GRIN2A: variants seen among roughly 807,000 people sequenced by gnomAD.
The protein encoded by GRIN2A is glutamate ionotropic receptor NMDA type subunit 2A.
In GRIN2A, 22 loss-of-function variants were observed where a neutral mutation model predicts 113.4. The observed-to-expected ratio is 0.19, with a 90% confidence interval of 0.14 to 0.28. The LOEUF (loss-of-function observed/expected upper bound fraction) is 0.28, where lower values mean the gene tolerates loss of function less well. GRIN2A is among the 10% of genes least tolerant of loss of function. GRIN2A has a pLI of 1.00. For missense variants in GRIN2A, 1,502 were observed against 1,887.0 expected, an observed-to-expected ratio of 0.80 and a Z score of 3.78; for synonymous variants, 827 against 738.4, an observed-to-expected ratio of 1.12 and a Z score of -1.94.
chr16:10,035,613 G>C (rs2047010481), intron 2 of GRIN2A, among the ~76,000 whole-genome samples: 1 of 152,204 alleles, frequency 6.6e-6, no homozygotes, highest in African/African-American at 2.4e-5. Flanking sequence ...ACCCACTGGA[G>C]TCACCGACCA....
intron 2 of GRIN2A, among the ~76,000 whole-genome samples, chr16:9,964,858 T>C (rs2045519938): frequency 6.6e-6 from 1 of 152,190 alleles, no homozygotes; most frequent in East Asian, 1.9e-4. Flanking sequence ...AAGCAACATA[T>C]TCACAGCATG....
intron 12 of GRIN2A, among the ~76,000 whole-genome samples, chr16:9,765,234 A>G (rs1032505823): frequency 6.6e-6 from 1 of 152,194 alleles, no homozygotes. Flanking sequence ...ACAACTGTCA[A>G]TGCCTCAGTG....
chr16:9,810,086 G>T (rs1209534130), intron 10 of GRIN2A, among the ~76,000 whole-genome samples: 3 of 152,108 alleles, frequency 2.0e-5, no homozygotes, highest in South Asian at 4.1e-4. Context: ...AAACTTCCTG[G>T]CATGGAGTGA....
chr16:9,968,071 G>A (rs538796191), intron 2 of GRIN2A, among the ~76,000 whole-genome samples: 3 of 151,990 alleles, frequency 2.0e-5, no homozygotes, highest in African/African-American at 7.3e-5. Context: ...GTGGGTAGGC[G>A]TTATTATTGC....
chr16:9,983,592 A>T (rs1425862036), intron 2 of GRIN2A, among the ~76,000 whole-genome samples: 1 of 152,034 alleles, frequency 6.6e-6, no homozygotes, highest in Non-Finnish European at 1.5e-5. Context: ...GGCACCCGCC[A>T]CTATACCCAG....
At chr16:10,030,488 C>T (rs942552743) in intron 2 of GRIN2A, among the ~76,000 whole-genome samples, 1 of 152,158 alleles carries the variant, frequency 6.6e-6, no homozygotes, top group South Asian at 2.1e-4. Flanking sequence ...TGGTCTCCTG[C>T]CTGCACTTAC....
At chr16:9,861,073 C>T (rs1001083846) in intron 4 of GRIN2A, among the ~76,000 whole-genome samples, 1 of 152,178 alleles carries the variant, frequency 6.6e-6, no homozygotes, top group Non-Finnish European at 1.5e-5. Flanking sequence ...AAACCAACAA[C>T]AGAAGCAGAG....
At chr16:9,866,377 G>C (rs1299713207) in intron 4 of GRIN2A, among the ~76,000 whole-genome samples, 4 of 152,150 alleles carry the variant, frequency 2.6e-5, no homozygotes, top group Non-Finnish European at 5.9e-5. Context: ...CAAAAGCTTA[G>C]AAGCTGAGTT....
intron 2 of GRIN2A, among the ~76,000 whole-genome samples, chr16:10,059,088 A>G (rs1296338656): frequency 6.6e-6 from 1 of 152,230 alleles, no homozygotes; most frequent in Non-Finnish European, 1.5e-5. Context: ...CTTGGGCATC[A>G]GAAGAACAGG....
At chr16:9,816,204 G>A (rs548218623) in intron 10 of GRIN2A, among the ~76,000 whole-genome samples, 1 of 152,280 alleles carries the variant, frequency 6.6e-6, no homozygotes, top group East Asian at 1.9e-4. Context: ...TGTACCACAC[G>A]ATGAATGCAT....
At chr16:9,918,263 C>T (rs1291830171) in intron 3 of GRIN2A, among the ~76,000 whole-genome samples, 1 of 152,180 alleles carries the variant, frequency 6.6e-6, no homozygotes, top group Non-Finnish European at 1.5e-5. Context: ...ATCTCCCTAT[C>T]CACAGGGAAT....
intron 10 of GRIN2A, among the ~76,000 whole-genome samples, chr16:9,819,956 T>C (rs1247172008): frequency 2.7e-5 from 4 of 145,566 alleles, no homozygotes; most frequent in Non-Finnish European, 4.5e-5. Context: ...AAAAGACTTG[T>C]ACTCCTTCAG....
At chr16:9,878,807 C>T (rs781491865) in intron 4 of GRIN2A, among the ~76,000 whole-genome samples, 8 of 151,902 alleles carry the variant, frequency 5.3e-5, no homozygotes, top group Non-Finnish European at 8.8e-5. Flanking sequence ...GATGTTACAA[C>T]TGCAACAACA....
At chr16:10,090,449 A>G (rs1035233686) in intron 2 of GRIN2A, among the ~76,000 whole-genome samples, 41 of 152,236 alleles carry the variant, frequency 2.7e-4, no homozygotes, top group Admixed American at 1.3e-3. Context: ...TAGTCTTTTC[A>G]ACACATGATG....
At chr16:9,988,282 TGC>T (rs1213543062) in intron 2 of GRIN2A, among the ~76,000 whole-genome samples, 13 of 124,754 alleles carry the variant, frequency 1.0e-4, no homozygotes, top group Middle Eastern at 4.0e-3. Context: ...TGTGTGTGTG[TGC>T]GTGTGTGTGT....
At chr16:9,997,474 A>G (rs567793864) in intron 2 of GRIN2A, among the ~76,000 whole-genome samples, 2 of 152,182 alleles carry the variant, frequency 1.3e-5, no homozygotes, top group South Asian at 2.1e-4. Context: ...TGATTCATTT[A>G]TATACACATA....
chr16:9,854,746 C>G (rs1250693787), intron 4 of GRIN2A, among the ~76,000 whole-genome samples: 1 of 152,156 alleles, frequency 6.6e-6, no homozygotes, highest in Non-Finnish European at 1.5e-5. Flanking sequence ...AAAAGCTATT[C>G]TGAAGTGTGA....
chr16:10,048,420 A>C (rs2047295943), intron 2 of GRIN2A, among the ~76,000 whole-genome samples: 1 of 152,218 alleles, frequency 6.6e-6, no homozygotes, highest in African/African-American at 2.4e-5. Flanking sequence ...TTAAGAATCT[A>C]ATTTTCAAAA....
intron 3 of GRIN2A, among the ~76,000 whole-genome samples, chr16:9,906,996 G>C (rs532327611): frequency 1.1e-4 from 16 of 152,070 alleles, no homozygotes; most frequent in Non-Finnish European, 2.2e-4. Flanking sequence ...TGTATTTCTT[G>C]TAGACAGGGT....
Sources: gnomAD v4.1 joint callset for allele counts (sites outside exome capture counted in the v4.1 genomes callset) on GRCh38, gnomAD v4.1.1 for gene constraint, MANE v1.5 for transcripts, NCBI Gene and HGNC (gene_info 2026-07-23, HGNC 2026-07-21) for gene names.